Variants in EYA1 observed in about 807,000 individuals in gnomAD.
EYA1 encodes EYA transcriptional coactivator and phosphatase 1.
Under a neutral mutation model 82.0 loss-of-function variants are expected in EYA1, and 16 were observed. The ratio of observed to expected loss-of-function variants is 0.20; its 90% CI spans 0.13 to 0.30. EYA1 has a LOEUF of 0.30. Ranked by LOEUF, EYA1 falls within the 10% of genes least tolerant of loss-of-function variation. The pLI is 1.00. For missense variants in EYA1, 633 were observed against 730.7 expected, an observed-to-expected ratio of 0.87 and a Z score of 1.54; for synonymous variants, 261 against 264.4, an observed-to-expected ratio of 0.99 and a Z score of 0.12.
intron 2 of EYA1, among the ~76,000 whole-genome samples, chr8:71,453,645 C>A (rs577303667): frequency 3.7e-4 from 57 of 152,242 alleles, no homozygotes; most frequent in East Asian, 1.2e-3. Flanking sequence ...AATTTTCAAC[C>A]CAGAATTTCA....
intron 2 of EYA1, among the ~76,000 whole-genome samples, chr8:71,423,296 C>A (rs1040155812): frequency 5.9e-5 from 9 of 152,122 alleles, no homozygotes; most frequent in African/African-American, 1.4e-4. Flanking sequence ...TTTTAAACAT[C>A]TGAAATATTT....
chr8:71,410,428 G>T (rs1187699681), intron 2 of EYA1, among the ~76,000 whole-genome samples: 2 of 84,690 alleles, frequency 2.4e-5, no homozygotes, highest in Admixed American at 1.3e-4. Flanking sequence ...AGGAAAAGAG[G>T]AAGTCAAATT....
chr8:71,445,676 G>A (rs930516323), intron 2 of EYA1, among the ~76,000 whole-genome samples: 13 of 151,838 alleles, frequency 8.6e-5, no homozygotes, highest in African/African-American at 2.7e-4. Flanking sequence ...TCACTCTGTC[G>A]CCCAGGCTGG....
intron 2 of EYA1, among the ~76,000 whole-genome samples, chr8:71,383,360 G>A (rs1298295133): frequency 6.6e-6 from 1 of 151,958 alleles, no homozygotes; most frequent in South Asian, 2.1e-4. Flanking sequence ...CTACACATGA[G>A]TGCAAAGGAA....
At chr8:71,274,345 C>T (rs1816881884) in intron 9 of EYA1, among the ~76,000 whole-genome samples, 1 of 152,280 alleles carries the variant, frequency 6.6e-6, no homozygotes, top group South Asian at 2.1e-4. Flanking sequence ...ATTCTCTTAA[C>T]CAGCTTTCCA....
At chr8:71,511,075 G>C (rs1052378025) in intron 2 of EYA1, among the ~76,000 whole-genome samples, 1 of 151,974 alleles carries the variant, frequency 6.6e-6, no homozygotes, top group Admixed American at 6.6e-5. Flanking sequence ...ATTACTGTAA[G>C]AGTCTCCTAA....
At chr8:71,255,055 C>T (rs1250987819) in intron 11 of EYA1, among the ~76,000 whole-genome samples, 1 of 152,090 alleles carries the variant, frequency 6.6e-6, no homozygotes, top group African/African-American at 2.4e-5. Flanking sequence ...AGGGAAAACA[C>T]TTGTACGCTG....
intron 12 of EYA1, among the ~76,000 whole-genome samples, chr8:71,234,074 G>A (rs1367502361): frequency 6.6e-6 from 1 of 152,122 alleles, no homozygotes; most frequent in African/African-American, 2.4e-5. Context: ...CCCACTCCTG[G>A]ACTGCACTGT....
At chr8:71,346,452 A>ATATATATATATATATATC (rs1011248214) in intron 3 of EYA1, among the ~76,000 whole-genome samples, 1 of 134,650 alleles carries the variant, frequency 7.4e-6, no homozygotes, top group African/African-American at 3.1e-5. Context: ...ATATATATAT[A>ATATATATATATATATATC]TATCTATATA....
intron 2 of EYA1, among the ~76,000 whole-genome samples, chr8:71,394,723 C>T (rs553286670): frequency 2.0e-5 from 3 of 152,170 alleles, no homozygotes; most frequent in African/African-American, 7.2e-5. Flanking sequence ...AGTCAGGTAG[C>T]TTGATGCCTC....
chr8:71,526,894 G>C (rs947970692), intron 2 of EYA1, among the ~76,000 whole-genome samples: 1 of 152,202 alleles, frequency 6.6e-6, no homozygotes, highest in African/African-American at 2.4e-5. Flanking sequence ...CAAAGAATTT[G>C]TGAACATATT....
intron 17 of EYA1, among the ~76,000 whole-genome samples, chr8:71,203,321 C>A (rs1161710007): frequency 6.6e-6 from 1 of 152,100 alleles, no homozygotes; most frequent in African/African-American, 2.4e-5. Flanking sequence ...ACGTAATACA[C>A]AAAAGACATA....
intron 2 of EYA1, among the ~76,000 whole-genome samples, chr8:71,408,504 C>CACACA (rs1830403655): frequency 9.1e-6 from 1 of 109,686 alleles, no homozygotes; most frequent in Admixed American, 9.3e-5. Context: ...CACACATAGG[C>CACACA]TCAAAATAAA....
chr8:71,258,070 T>C (rs1275838085), intron 11 of EYA1, among the ~76,000 whole-genome samples: 1 of 152,132 alleles, frequency 6.6e-6, no homozygotes, highest in Non-Finnish European at 1.5e-5. Context: ...TTACCCTTAG[T>C]GGATTTAGAG....
At chr8:71,400,227 T>C (rs187659666) in intron 2 of EYA1, among the ~76,000 whole-genome samples, 1 of 152,294 alleles carries the variant, frequency 6.6e-6, no homozygotes. Context: ...ATTCAGCACA[T>C]AGGCGCAGGC....
intron 2 of EYA1, among the ~76,000 whole-genome samples, chr8:71,380,054 A>ACT (rs1367193665): frequency 6.6e-6 from 1 of 151,566 alleles, no homozygotes; most frequent in Non-Finnish European, 1.5e-5. Context: ...CAAATCACAG[A>ACT]CTCTTCTTGC....
chr8:71,437,945 G>A lies in EYA1; in HGVS notation c.34-81434C>T, dbSNP rs761616064. Reference sequence around the variant, plus strand: ...AAGTATTAAAGAATGATTACTTGGGGATATTTAAAATTTGTGACACATTAA... The same window carrying A: ...AAGTATTAAAGAATGATTACTTGGGAATATTTAAAATTTGTGACACATTAA... On this transcript the variant is annotated intron_variant, in intron 2 of 18. Transcript: ENST00000643681. Among the ~76,000 whole-genome samples, 9 of 152,136 alleles carry A rather than the reference G, an allele frequency of 5.9e-5. No individual in the cohort carries two copies. The South Asian group carries it at 1.7e-3, about 28-fold the overall frequency.
chr8:71,465,660 G>A (rs1201478143), intron 2 of EYA1, among the ~76,000 whole-genome samples: 1 of 151,932 alleles, frequency 6.6e-6, no homozygotes. Flanking sequence ...AATATAAAAT[G>A]CACAAGTAAT....
At chr8:71,428,285 G>A (rs1006314105) in intron 2 of EYA1, among the ~76,000 whole-genome samples, 1 of 152,158 alleles carries the variant, frequency 6.6e-6, no homozygotes, top group African/African-American at 2.4e-5. Flanking sequence ...TGTAACATCA[G>A]TTGATGCTTT....
Sources: allele counts gnomAD v4.1 joint callset (sites outside exome capture counted in the v4.1 genomes callset), GRCh38; gene constraint gnomAD v4.1.1; transcripts MANE v1.5; gene names NCBI Gene and HGNC (gene_info 2026-07-23, HGNC 2026-07-21).